The following PTPRT variants were observed in gnomAD, a reference collection of about 807,000 sequenced individuals.
PTPRT encodes the protein receptor-type tyrosine-protein phosphatase T.
A neutral mutation model predicts 176.8 loss-of-function variants in PTPRT; 56 were observed. The ratio of observed to expected loss-of-function variants is 0.32; its 90% CI spans 0.26 to 0.40. The LOEUF is 0.40. Among genes scored for constraint, PTPRT ranks in the 10% least tolerant of loss-of-function variants. PTPRT has a pLI of 1.00. For missense variants in PTPRT, 1,540 were observed against 1,908.2 expected, an observed-to-expected ratio of 0.81 and a Z score of 3.60; for synonymous variants, 783 against 739.0, an observed-to-expected ratio of 1.06 and a Z score of -0.96.
the PTPRT span, among the ~76,000 whole-genome samples, chr20:42,045,443 G>A: frequency 8.6e-5 from 13 of 150,668 alleles, no homozygotes; most frequent in South Asian, 2.1e-4. Flanking sequence ...ATTAAGAATC[G>A]AAGTTTGCAT....
intron 11 of PTPRT, among the ~76,000 whole-genome samples, chr20:42,319,093 T>C (rs892706209): frequency 6.6e-6 from 1 of 152,086 alleles, no homozygotes; most frequent in Non-Finnish European, 1.5e-5. Context: ...CCCCATCAGC[T>C]CTTTCTCCCC....
intron 12 of PTPRT, among the ~76,000 whole-genome samples, chr20:42,291,040 C>A (rs11698118): frequency 0.16 from 24,453 of 151,932 alleles, 1,998 homozygotes; most frequent in South Asian, 0.2. Context: ...TCACATTATC[C>A]CAACTTGTGT....
chr20:43,124,615 G>A (rs955828124), intron 1 of PTPRT, among the ~76,000 whole-genome samples: 1 of 152,150 alleles, frequency 6.6e-6, no homozygotes, highest in East Asian at 1.9e-4. Flanking sequence ...TCAAAGAGAC[G>A]CTGTACAATG....
chr20:42,555,175 A>G (rs2072838174), intron 7 of PTPRT, among the ~76,000 whole-genome samples: 1 of 152,182 alleles, frequency 6.6e-6, no homozygotes, highest in African/African-American at 2.4e-5. Flanking sequence ...TAATGGGTAC[A>G]GAATGCTCTG....
chr20:42,689,940 T>C (rs1002270047), intron 6 of PTPRT, among the ~76,000 whole-genome samples: 1 of 152,170 alleles, frequency 6.6e-6, no homozygotes, highest in African/African-American at 2.4e-5. Context: ...TGTGTTGTCT[T>C]AGACCACTAA....
chr20:42,766,942 TC>T (rs1251891429), intron 5 of PTPRT, among the ~76,000 whole-genome samples: 7 of 152,200 alleles, frequency 4.6e-5, no homozygotes, highest in Non-Finnish European at 8.8e-5. Flanking sequence ...TGGGCCTGTT[TC>T]ATTTGCTTTG....
intron 1 of PTPRT, among the ~76,000 whole-genome samples, chr20:42,916,462 T>C (rs946087083): frequency 1.5e-4 from 23 of 152,338 alleles, no homozygotes; most frequent in African/African-American, 5.5e-4. Flanking sequence ...TGATTTATAA[T>C]CCTTTGGGTA....
intron 8 of PTPRT, among the ~76,000 whole-genome samples, chr20:42,459,017 T>A (rs2070971605): frequency 6.6e-6 from 1 of 152,116 alleles, no homozygotes; most frequent in African/African-American, 2.4e-5. Flanking sequence ...CACCCAAAGC[T>A]GGAAAGAGAG....
chr20:43,157,199 C>CAAAAA (rs3032106), intron 1 of PTPRT, among the ~76,000 whole-genome samples: 2 of 143,368 alleles, frequency 1.4e-5, no homozygotes, highest in Non-Finnish European at 3.1e-5. Flanking sequence ...ACTAAAAATA[C>CAAAAA]AAAAAAAAAA....
At chr20:42,090,102 G>A (rs886953302) in intron 27 of PTPRT, among the ~76,000 whole-genome samples, 5 of 152,158 alleles carry the variant, frequency 3.3e-5, no homozygotes, top group Non-Finnish European at 7.3e-5. Flanking sequence ...AGCTTCTCCA[G>A]TTTGTTATGA....
chr20:42,594,759 C>T (rs994978035), intron 7 of PTPRT, among the ~76,000 whole-genome samples: 2 of 152,190 alleles, frequency 1.3e-5, no homozygotes, highest in South Asian at 2.1e-4. Context: ...TATTTATCCA[C>T]TCCCAGATTT....
intron 7 of PTPRT, among the ~76,000 whole-genome samples, chr20:42,557,588 T>A (rs1244807168): frequency 6.6e-6 from 1 of 152,194 alleles, no homozygotes; most frequent in Non-Finnish European, 1.5e-5. Flanking sequence ...ACCATTTTTT[T>A]AATGTTTCCA....
chr20:42,622,038 TG>T (rs1430449004), intron 7 of PTPRT, among the ~76,000 whole-genome samples: 1 of 152,218 alleles, frequency 6.6e-6, no homozygotes, highest in African/African-American at 2.4e-5. Context: ...CTTGACACTT[TG>T]CTAACCGTTC....
chr20:42,973,084 G>A (rs1031745101), intron 1 of PTPRT, among the ~76,000 whole-genome samples: 1 of 151,888 alleles, frequency 6.6e-6, no homozygotes, highest in Non-Finnish European at 1.5e-5. Context: ...TTAATCAGGA[G>A]GCTACCACAG....
chr20:42,581,489 A>T (rs1271771263), intron 7 of PTPRT, among the ~76,000 whole-genome samples: 1 of 151,752 alleles, frequency 6.6e-6, no homozygotes, highest in Non-Finnish European at 1.5e-5. Context: ...TGCTCAATGA[A>T]TATCTATTGA....
rs1402826484 is a variant in PTPRT at position 42,076,807 on chromosome 20, G to A, written c.*4072C>T. ...AATCAGAAAGTGGAATGCAAATTTT[G>A]CATGAATTGTGAACGTAAAACATGA... On this transcript the variant is annotated 3_prime_UTR_variant, in exon 31 of 31. Coordinates refer to ENST00000373187, the MANE Select transcript of PTPRT (RefSeq NM_007050.6). 5 of 201,306 alleles carry A rather than the reference G, an allele frequency of 2.5e-5. No individual in the cohort carries two copies. Among genetic ancestry groups the A allele is most frequent in the Non-Finnish European group, 4.1e-5 (4 of 98,012 alleles). 12.5% of individuals were successfully genotyped at this position (201,306 alleles called of 1,614,324 possible).
intron 1 of PTPRT, among the ~76,000 whole-genome samples, chr20:43,055,182 T>C (rs890248914): frequency 6.6e-6 from 1 of 152,184 alleles, no homozygotes; most frequent in African/African-American, 2.4e-5. Context: ...GCATCCAAGT[T>C]GCACCGACCC....
chr20:42,990,207 A>C (rs6072926), intron 1 of PTPRT, among the ~76,000 whole-genome samples: 32,150 of 152,142 alleles, frequency 0.21, 3,572 homozygotes, highest in Non-Finnish European at 0.24. Context: ...CAGGGGTCAG[A>C]AAACTATGGT....
chr20:42,466,789 A>G (rs543044191), intron 8 of PTPRT, among the ~76,000 whole-genome samples: 1 of 152,206 alleles, frequency 6.6e-6, no homozygotes, highest in Non-Finnish European at 1.5e-5. Flanking sequence ...TGTATATCTT[A>G]GTGCCAAAAT....
Sources: gnomAD v4.1 joint callset for allele counts (sites outside exome capture counted in the v4.1 genomes callset) on GRCh38, gnomAD v4.1.1 for gene constraint, MANE v1.5 for transcripts, NCBI Gene and HGNC (gene_info 2026-07-23, HGNC 2026-07-21) for gene names.